MYCBP2: variants seen among roughly 807,000 people sequenced by gnomAD.
MYCBP2 encodes the protein MYC binding protein 2, also known as E3 ubiquitin-protein ligase MYCBP2.
Under a neutral mutation model 525.3 loss-of-function variants are expected in MYCBP2, and 120 were observed. The observed-to-expected ratio is 0.23, with a 90% CI of 0.20 to 0.27. The LOEUF is 0.27. Among genes scored for constraint, MYCBP2 ranks in the 10% least tolerant of loss-of-function variants. The pLI is 1.00. For missense variants in MYCBP2, 4,149 were observed against 5,657.1 expected, an observed-to-expected ratio of 0.73 and a Z score of 8.55; for synonymous variants, 1,894 against 1,955.8, an observed-to-expected ratio of 0.97 and a Z score of 0.83.
chr13:77,302,581 T>C (rs1170951297), intron 1 of MYCBP2, among the ~76,000 whole-genome samples: 1 of 152,192 alleles, frequency 6.6e-6, no homozygotes, highest in Non-Finnish European at 1.5e-5. Flanking sequence ...AAGATGTTTT[T>C]AGATCCATGA....
At chr13:77,154,800 A>C (rs927415683) in intron 46 of MYCBP2, among the ~76,000 whole-genome samples, 1 of 152,100 alleles carries the variant, frequency 6.6e-6, no homozygotes, top group African/African-American at 2.4e-5. Context: ...CACTATCAGG[A>C]TAACTTTATT....
At chr13:77,127,396 A>G (rs2051870442) in intron 52 of MYCBP2, among the ~76,000 whole-genome samples, 1 of 151,980 alleles carries the variant, frequency 6.6e-6, no homozygotes, top group Admixed American at 6.6e-5. Context: ...AAAGAGAAAT[A>G]ATAACCTTTC....
chr13:77,261,520 T>C, intron 11 of MYCBP2, 145 bp from the exon 12 acceptor site: 2 of 645,484 alleles, frequency 3.1e-6, no homozygotes, highest in South Asian at 4.7e-5. Context: ...ATTCAGCTTC[T>C]GGGAGTTGAG....
At chr13:77,252,509 A>T (rs2071393964) in intron 14 of MYCBP2, among the ~76,000 whole-genome samples, 3 of 152,178 alleles carry the variant, frequency 2.0e-5, no homozygotes, top group Non-Finnish European at 2.9e-5. Context: ...ATGACAGGAG[A>T]ACAAATCTGT....
intron 47 of MYCBP2, among the ~76,000 whole-genome samples, chr13:77,148,081 C>A (rs1373923731): frequency 6.6e-6 from 1 of 150,380 alleles, no homozygotes; most frequent in Non-Finnish European, 1.5e-5. Flanking sequence ...AACTAAATTC[C>A]TTAAGCAAGT....
chr13:77,215,545 A>C lies in MYCBP2; in HGVS notation c.3057+2295T>G, dbSNP rs184425147. Reference sequence around the variant, plus strand: ...TATAGAACAGGACAGGTAAGAAAGAACCTTGTGGGAATGGATTGGAAGTAG... The same window carrying C: ...TATAGAACAGGACAGGTAAGAAAGACCCTTGTGGGAATGGATTGGAAGTAG... On this transcript the variant is annotated intron_variant, in intron 21 of 82. Coordinates refer to ENST00000544440, the MANE Select transcript of MYCBP2 (RefSeq NM_015057.5). Among the ~76,000 whole-genome samples, 7 of 152,290 alleles carry C rather than the reference A, an allele frequency of 4.6e-5. No individual in the cohort carries two copies. In the East Asian group the frequency reaches 1.4e-3, roughly 29 times the overall value.
In MYCBP2 at chr13:77,061,646, A is replaced by G. The variant is rs1258773142; in HGVS notation, c.12903+16T>C. 2 of 1,607,832 alleles carry G rather than the reference A, an allele frequency of 1.2e-6. No homozygotes were observed. The highest frequency in any genetic ancestry group is 8.5e-7 in the Non-Finnish European group (1 of 1,178,494). ...TCACTGAACATATTTTATGCTCCAG[A>G]GACAAAAATCTTCACCTGTCTTTGA... is the stretch of plus-strand genomic sequence containing the variant. On this transcript the variant is annotated intron_variant, in intron 75 of 82. Coordinates refer to ENST00000544440, the MANE Select transcript of MYCBP2 (RefSeq NM_015057.5).
At chr13:77,166,966 AACAC>A (rs146476533) in intron 40 of MYCBP2, among the ~76,000 whole-genome samples, 4,332 of 123,942 alleles carry the variant, frequency 0.035, 94 homozygotes, top group East Asian at 0.057. Context: ...TCAAAGACAA[AACAC>A]ACACATACAC....
At chr13:77,226,832 T>C (rs1055457071) in intron 18 of MYCBP2, among the ~76,000 whole-genome samples, 1 of 152,072 alleles carries the variant, frequency 6.6e-6, no homozygotes, top group African/African-American at 2.4e-5. Flanking sequence ...CGGAATAACA[T>C]AGAACAGGTA....
intron 55 of MYCBP2, among the ~76,000 whole-genome samples, chr13:77,102,817 T>A (rs1327208012): frequency 6.6e-6 from 1 of 151,892 alleles, no homozygotes; most frequent in African/African-American, 2.4e-5. Flanking sequence ...TTATATTATA[T>A]AACAATAAGT....
intron 15 of MYCBP2, among the ~76,000 whole-genome samples, chr13:77,246,259 C>T (rs1475840545): frequency 1.3e-5 from 2 of 152,058 alleles, no homozygotes; most frequent in Non-Finnish European, 2.9e-5. Flanking sequence ...TAAAAGCAAG[C>T]ATTATAAACA....
intron 55 of MYCBP2, among the ~76,000 whole-genome samples, chr13:77,116,209 A>T (rs2049730652): frequency 6.6e-6 from 1 of 152,026 alleles, no homozygotes; most frequent in African/African-American, 2.4e-5. Context: ...AACAAAGTTG[A>T]GTAAATATGG....
In MYCBP2 at chr13:77,144,511, C is replaced by T; in HGVS notation, c.7237G>A (p.Ala2413Thr). The change falls in exon 49 of 83, where the codon GCA becomes ACA. Residue 2413 changes from alanine to threonine, a missense_variant. By Grantham distance (58) the Ala-to-Thr change is moderately conservative (BLOSUM62 0). This residue lies in a region of MYCBP2 where 692 missense variants were observed against 852.7 expected (regional missense o/e 0.81). Coordinates refer to ENST00000544440, the MANE Select transcript of MYCBP2 (RefSeq NM_015057.5). ...IRVNNDGTYC[A>T]NWTPGAIGLY... ...CCAATAGCCCCTGGAGTCCAATTTGCACAATAAGTCCCATCATTATTGACA... is the reference window on the plus strand; with the variant it reads ...CCAATAGCCCCTGGAGTCCAATTTGTACAATAAGTCCCATCATTATTGACA... The T allele has an allele frequency of 6.2e-7, 1 of 1,613,800 alleles. No individual in the cohort carries two copies. The highest frequency in any genetic ancestry group is 1.3e-5 in the African/African-American group (1 of 74,990).
rs750035949 is a variant in MYCBP2 at position 77,168,539 on chromosome 13, G to A, written c.6003C>T (p.Ser2001=). The change falls in exon 40 of 83, where the codon AGC becomes AGT. Residue 2001 remains serine (S), a synonymous_variant. Coordinates refer to ENST00000544440, the MANE Select transcript of MYCBP2 (RefSeq NM_015057.5). ...PAFNPNQSTD[S]TTGNQPEQGL... The stretch of plus-strand genomic sequence containing the variant: ...CCTGTTCAGGCTGGTTTCCTGTGGT[G>A]CTATCTGTCGACTGATTAGGGTTGA... The A allele has an allele frequency of 3.7e-6, 6 of 1,614,010 alleles. No homozygotes were observed. Among genetic ancestry groups the A allele is most frequent in the Admixed American group, 1.7e-5 (1 of 60,000 alleles).
chr13:77,097,233 A>G, intron 56 of MYCBP2, 137 bp downstream of exon 56: 1 of 1,219,868 alleles, frequency 8.2e-7, no homozygotes. Context: ...CTGTACTGAT[A>G]ATGTACTTTA....
intron 48 of MYCBP2, 73 bp downstream of exon 48, chr13:77,146,089 A>G: frequency 3.2e-6 from 3 of 942,544 alleles, no homozygotes; most frequent in Non-Finnish European, 4.8e-6. Context: ...ATAAAGTTGA[A>G]ATGCAGGATG....
At chr13:77,114,521 A>G (rs145100956) in intron 55 of MYCBP2, among the ~76,000 whole-genome samples, 54 of 152,250 alleles carry the variant, frequency 3.5e-4, no homozygotes, top group Non-Finnish European at 7.4e-4. Context: ...TAGTGTGTTC[A>G]TATTCTCAAA....
At chr13:77,188,073 C>CAA (rs745537934) in intron 30 of MYCBP2, among the ~76,000 whole-genome samples, 36 of 53,148 alleles carry the variant, frequency 6.8e-4, no homozygotes, top group South Asian at 1.3e-3. Context: ...TCTGCCTCAC[C>CAA]AAAAAAAAAA....
chr13:77,269,365 G>A (rs2074548998), intron 7 of MYCBP2, among the ~76,000 whole-genome samples: 1 of 152,142 alleles, frequency 6.6e-6, no homozygotes, highest in African/African-American at 2.4e-5. Context: ...GCTGGGTGGG[G>A]TGGCTCAGGC....
Sources: allele counts gnomAD v4.1 joint callset (sites outside exome capture counted in the v4.1 genomes callset), GRCh38; gene constraint gnomAD v4.1.1; regional missense constraint gnomAD v4.1.1; transcripts MANE v1.5; gene names NCBI Gene and HGNC (gene_info 2026-07-23, HGNC 2026-07-21).